Variants in CDK6 observed in about 807,000 individuals in gnomAD.
CDK6 encodes the protein cyclin dependent kinase 6.
In CDK6, 6 loss-of-function variants were observed where a neutral mutation model predicts 37.1. The observed-to-expected ratio is 0.16, with a 90% confidence interval of 0.09 to 0.32. The LOEUF (loss-of-function observed/expected upper bound fraction) is 0.32, where lower values mean the gene tolerates loss of function less well. Ranked by LOEUF, CDK6 falls within the 10% of genes least tolerant of loss-of-function variation. The pLI is 1.00. For synonymous variants in CDK6, 160 were observed against 161.3 expected, an observed-to-expected ratio of 0.99 and a Z score of 0.06; for missense variants, 224 against 418.9, an observed-to-expected ratio of 0.53 and a Z score of 4.06.
At chr7:92,700,883 G>A (rs944598428) in intron 4 of CDK6, among the ~76,000 whole-genome samples, 14 of 152,260 alleles carry the variant, frequency 9.2e-5, no homozygotes, top group African/African-American at 3.4e-4. Flanking sequence ...TGCCAAACAA[G>A]GTGAGGTCTT....
rs1357025446 is a variant in CDK6, at chr7:92,610,230, A to C, written c.*4910T>G. Reference sequence around the variant, plus strand: ...AATTGCTGTAACAGTATTTCAGCAGATGCTCGAAAAGAGCCTGTATTTATT... The same window carrying C: ...AATTGCTGTAACAGTATTTCAGCAGCTGCTCGAAAAGAGCCTGTATTTATT... On this transcript the variant is annotated 3_prime_UTR_variant, in exon 8 of 8. Coordinates refer to ENST00000424848, the MANE Select transcript of CDK6 (RefSeq NM_001145306.2). 1 of 232,250 alleles carries C rather than the reference A, an allele frequency of 4.3e-6. No homozygotes were observed. Among genetic ancestry groups the C allele is most frequent in the Non-Finnish European group, 8.5e-6 (1 of 117,518 alleles). 14.4% of individuals were successfully genotyped at this position (232,250 alleles called of 1,614,324 possible).
intron 2 of CDK6, among the ~76,000 whole-genome samples, chr7:92,818,040 C>G (rs1801072944): frequency 6.6e-6 from 1 of 151,876 alleles, no homozygotes; most frequent in Non-Finnish European, 1.5e-5. Flanking sequence ...AATATCTATG[C>G]CTTCGCCCTA....
rs1265159837 is a variant in CDK6 at position 92,774,831 on chromosome 7, C to A, written c.234G>T (p.Arg78Ser). The change falls in exon 3 of 8, where the codon AGG (arginine) becomes AGT (serine). Residue 78 changes from arginine to serine, a missense_variant and splice_region_variant. By Grantham distance (110) the Arg-to-Ser change is moderately radical. Coordinates refer to ENST00000424848, the MANE Select transcript of CDK6 (RefSeq NM_001145306.2). ...LETFEHPNVV[R>S]LFDVCTVSRT... Reference sequence around the variant, plus strand: ...GTGACACTGTGCACACATCAAACAACCTAGAAGAAAAAACAAAGAGGTTAA... The same window carrying A: ...GTGACACTGTGCACACATCAAACAAACTAGAAGAAAAAACAAAGAGGTTAA... 6.2e-7 allele frequency: 1 copy of A among 1,603,682 alleles called. No homozygotes were observed. Among genetic ancestry groups the A allele is most frequent in the Non-Finnish European group, 8.5e-7 (1 of 1,176,482 alleles).
At chr7:92,784,136 T>C (rs1207380840) in intron 2 of CDK6, among the ~76,000 whole-genome samples, 1 of 152,056 alleles carries the variant, frequency 6.6e-6, no homozygotes. Context: ...ATGCGATTTG[T>C]TGTCTTGCAG....
rs937148501 is a variant in CDK6 at position 92,833,312 on chromosome 7, G to A, written c.12C>T (p.Asp4=). 4 of 1,592,842 alleles carry A rather than the reference G, an allele frequency of 2.5e-6. No individual in the cohort carries two copies. The Admixed American group carries it at 5.1e-5, about 20-fold the overall frequency. Residue 4 remains aspartate, a synonymous_variant, in exon 2 of 8, where the codon GAC becomes GAT. Coordinates refer to ENST00000424848, the MANE Select transcript of CDK6 (RefSeq NM_001145306.2). The surrounding 1 kb of genome is among the most constrained non-coding windows in gnomAD (Gnocchi z 6.1). MEK[D]GLCRADQQYE... ...ACTGCTGGTCAGCGCGGCACAGGCC[G>A]TCCTTCTCCATGCCGCCTGGACGCC...
intron 6 of CDK6, among the ~76,000 whole-genome samples, chr7:92,622,468 G>C (rs1452545312): frequency 6.6e-6 from 1 of 152,194 alleles, no homozygotes; most frequent in Non-Finnish European, 1.5e-5. Flanking sequence ...CAGGCACTGT[G>C]TAAGCCCTTC....
At chr7:92,657,922 A>G (rs1261952219) in intron 5 of CDK6, among the ~76,000 whole-genome samples, 4 of 152,084 alleles carry the variant, frequency 2.6e-5, no homozygotes, top group Non-Finnish European at 5.9e-5. Flanking sequence ...GGGTCTCACC[A>G]TGTTGCCCAG....
chr7:92,755,190 C>T (rs1799283677), intron 3 of CDK6, among the ~76,000 whole-genome samples: 1 of 152,136 alleles, frequency 6.6e-6, no homozygotes, highest in Admixed American at 6.5e-5. Flanking sequence ...GCCGACACTC[C>T]TTGCTAACAG....
chr7:92,685,357 A>G (rs1797425637), intron 4 of CDK6, among the ~76,000 whole-genome samples: 1 of 152,172 alleles, frequency 6.6e-6, no homozygotes, highest in Non-Finnish European at 1.5e-5. Flanking sequence ...CTCATGCTGC[A>G]TGCGTGTTGG....
intron 3 of CDK6, among the ~76,000 whole-genome samples, chr7:92,772,688 G>C (rs889611526): frequency 4.0e-5 from 6 of 151,866 alleles, no homozygotes; most frequent in Admixed American, 6.6e-5. Flanking sequence ...CCTTCTGCCT[G>C]TTCCTTTTCC....
rs142828157 is a variant in CDK6, at chr7:92,633,915, A to G, written c.648-10829T>C. On this transcript the variant is annotated intron_variant, in intron 5 of 7. Coordinates refer to ENST00000424848, the MANE Select transcript of CDK6 (RefSeq NM_001145306.2). ...AGTGGGGTGTGCTAGTGGCTTTCCA[A>G]TTAATTTTAAGAGCTCTTTTATTCA... Among the ~76,000 whole-genome samples the G allele has an allele frequency of 4.0e-3, 616 of 152,232 alleles. 8 individuals are homozygous for G. Among genetic ancestry groups the G allele is most frequent in the African/African-American group, 0.014 (602 of 41,540 alleles).
At chr7:92,672,160 T>TATATACACAC (rs1210519115) in intron 4 of CDK6, among the ~76,000 whole-genome samples, 9 of 79,072 alleles carry the variant, frequency 1.1e-4, no homozygotes, top group Admixed American at 1.4e-4. Flanking sequence ...TATATATATA[T>TATATACACAC]ACACATACAC....
At chr7:92,782,294 T>C (rs1800011702) in intron 2 of CDK6, among the ~76,000 whole-genome samples, 1 of 152,208 alleles carries the variant, frequency 6.6e-6, no homozygotes, top group African/African-American at 2.4e-5. Flanking sequence ...AGTAAATTTA[T>C]TCTACATCCT....
chr7:92,832,562 G>GA (rs745584171), intron 2 of CDK6, among the ~76,000 whole-genome samples: 2 of 152,152 alleles, frequency 1.3e-5, no homozygotes, highest in Non-Finnish European at 2.9e-5. Context: ...AAGAGAAACT[G>GA]AGAGTATGAC....
chr7:92,754,485 T>C (rs1272689681), intron 3 of CDK6, among the ~76,000 whole-genome samples: 1 of 152,224 alleles, frequency 6.6e-6, no homozygotes, highest in Non-Finnish European at 1.5e-5. Flanking sequence ...TAAACAGTTT[T>C]AATGATTAGT....
At chr7:92,631,539 T>A (rs1251044118) in intron 5 of CDK6, among the ~76,000 whole-genome samples, 1 of 152,194 alleles carries the variant, frequency 6.6e-6, no homozygotes, top group Non-Finnish European at 1.5e-5. Flanking sequence ...ATACCACAAT[T>A]CAAGATGTTA....
intron 2 of CDK6, among the ~76,000 whole-genome samples, chr7:92,787,463 A>G (rs992305236): frequency 1.3e-5 from 2 of 152,120 alleles, no homozygotes; most frequent in Non-Finnish European, 2.9e-5. Flanking sequence ...TTAAAAATCA[A>G]ACATGTAAAA....
chr7:92,671,772 A>C (rs1194652904), intron 4 of CDK6, among the ~76,000 whole-genome samples: 1 of 152,188 alleles, frequency 6.6e-6, no homozygotes, highest in Admixed American at 6.5e-5. Context: ...AGGATGGCAT[A>C]ATAACATGAG....
At chr7:92,640,846 T>C (rs1036727970) in intron 5 of CDK6, among the ~76,000 whole-genome samples, 1 of 152,186 alleles carries the variant, frequency 6.6e-6, no homozygotes, top group African/African-American at 2.4e-5. Flanking sequence ...GGAATAATCA[T>C]GAGAATGAAA....
Sources: allele counts gnomAD v4.1 joint callset (sites outside exome capture counted in the v4.1 genomes callset), GRCh38; gene constraint gnomAD v4.1.1; non-coding constraint Gnocchi (gnomAD v3.1); transcripts MANE v1.5; gene names NCBI Gene and HGNC (gene_info 2026-07-23, HGNC 2026-07-21).